IBTK: variants seen among roughly 807,000 people sequenced by gnomAD.
IBTK encodes the protein inhibitor of Bruton tyrosine kinase.
In IBTK, 83 loss-of-function variants were observed where a neutral mutation model predicts 154.9. The ratio of observed to expected loss-of-function variants is 0.54; its 90% CI spans 0.45 to 0.64. The LOEUF is 0.64. Ranked by LOEUF, IBTK falls within the 30% of genes least tolerant of loss-of-function variation. The pLI is 0.00. For synonymous variants in IBTK, 515 were observed against 536.1 expected (o/e 0.96, Z 0.54); for missense variants, 1,332 against 1,584.6 (o/e 0.84, Z 2.71).
chr6:82,179,447 T>C (rs1768231981), intron 26 of IBTK, among the ~76,000 whole-genome samples: 2 of 152,300 alleles, frequency 1.3e-5, no homozygotes, highest in South Asian at 4.1e-4. Flanking sequence ...AAAGTTCAGA[T>C]GATAGATATG....
At chr6:82,245,769 TA>T (rs542509673) in intron 1 of IBTK, among the ~76,000 whole-genome samples, 9 of 147,714 alleles carry the variant, frequency 6.1e-5, no homozygotes, top group East Asian at 3.9e-4. Context: ...CTTAGAGATT[TA>T]AAAAAAAAAG....
chr6:82,211,960 T>C (rs1040608083), intron 13 of IBTK, among the ~76,000 whole-genome samples: 4 of 152,194 alleles, frequency 2.6e-5, no homozygotes, highest in Non-Finnish European at 5.9e-5. Flanking sequence ...TCCAAAACCT[T>C]TTCACTTACA....
At chr6:82,179,794 A>C (rs935701998) in intron 26 of IBTK, among the ~76,000 whole-genome samples, 1 of 152,214 alleles carries the variant, frequency 6.6e-6, no homozygotes, top group Non-Finnish European at 1.5e-5. Flanking sequence ...AAGTGTGCCC[A>C]GACCACATGA....
chr6:82,212,360 T>A (rs1386889583), intron 13 of IBTK, among the ~76,000 whole-genome samples: 2 of 152,108 alleles, frequency 1.3e-5, no homozygotes, highest in Non-Finnish European at 2.9e-5. Context: ...CTAAAGGCAA[T>A]AATCATAACA....
At chr6:82,171,773 C>T (rs1200961740) in intron 28 of IBTK, among the ~76,000 whole-genome samples, 2 of 152,080 alleles carry the variant, frequency 1.3e-5, no homozygotes, top group African/African-American at 2.4e-5. Context: ...GATACCCATG[C>T]GCTCTTCAAT....
intron 26 of IBTK, among the ~76,000 whole-genome samples, chr6:82,180,946 C>T (rs996663590): frequency 6.6e-6 from 1 of 152,226 alleles, no homozygotes; most frequent in Non-Finnish European, 1.5e-5. Context: ...GAGACCAGGT[C>T]TCACTCTGTC....
intron 25 of IBTK, among the ~76,000 whole-genome samples, chr6:82,189,543 T>C (rs1768684562): frequency 6.6e-6 from 1 of 151,890 alleles, no homozygotes; most frequent in Non-Finnish European, 1.5e-5. Context: ...TATCAAGAAA[T>C]AGAAAACCAC....
At position 82,200,663 on chromosome 6, in the gene IBTK, G is replaced by C. The variant is rs1769169025; in HGVS notation, c.2836C>G (p.Pro946Ala). 6.3e-7 allele frequency: 1 copy of C among 1,597,896 alleles called. No homozygotes were observed. The highest frequency in any genetic ancestry group is 8.5e-7 in the Non-Finnish European group (1 of 1,174,190). Residue 946 changes from proline to alanine, a missense_variant, in exon 20 of 29, where the codon CCA (proline) becomes GCA (alanine). This residue lies in a region of IBTK where 1,134 missense variants were observed against 1,274.7 expected (regional missense o/e 0.89). Coordinates refer to ENST00000306270, the MANE Select transcript of IBTK (RefSeq NM_015525.4). ...TCTACTTCCAAATAGCTAATATCTG[G>C]TCCATCTTGATATGGTGTAATGACT... ...RRVITPYQDG[P>A]DISYLEVEDG...
At chr6:82,195,394 G>A (rs117675597) in intron 22 of IBTK, among the ~76,000 whole-genome samples, 16 of 152,008 alleles carry the variant, frequency 1.1e-4, no homozygotes, top group East Asian at 7.7e-4. Context: ...TGAGCAACAC[G>A]GCAAAACCCC....
intron 2 of IBTK, among the ~76,000 whole-genome samples, chr6:82,239,846 C>A (rs1770874503): frequency 6.6e-6 from 1 of 152,116 alleles, no homozygotes; most frequent in African/African-American, 2.4e-5. Flanking sequence ...TAAAGTATTT[C>A]TTTTAATAAT....
At chr6:82,192,031 T>C (rs2127803273) in intron 23 of IBTK, 152 bp from the exon 24 acceptor site, 1 of 553,630 alleles carries the variant, frequency 1.8e-6, no homozygotes, top group East Asian at 2.9e-5. Flanking sequence ...AAGGATATTT[T>C]GAATAAAAGC....
intron 26 of IBTK, among the ~76,000 whole-genome samples, chr6:82,181,002 C>T (rs1768300129): frequency 6.6e-6 from 1 of 152,208 alleles, no homozygotes; most frequent in Admixed American, 6.5e-5. Context: ...ACTGAAAATA[C>T]TGCTTTTAAA....
At chr6:82,237,901 CT>C (rs1770792196) in intron 2 of IBTK, among the ~76,000 whole-genome samples, 1 of 151,686 alleles carries the variant, frequency 6.6e-6, no homozygotes, top group East Asian at 1.9e-4. Context: ...CTGTTTTTTT[CT>C]TTTCCAGGTC....
chr6:82,179,831 G>A (rs900795293), intron 26 of IBTK, among the ~76,000 whole-genome samples: 2 of 152,130 alleles, frequency 1.3e-5, no homozygotes, highest in African/African-American at 4.8e-5. Flanking sequence ...CAAAACCAGA[G>A]GGGAAGAATC....
chr6:82,182,014 T>C lies in IBTK; in HGVS notation c.3590A>G (p.His1197Arg), dbSNP rs771015990. The C allele has an allele frequency of 1.3e-6, 2 of 1,598,576 alleles. No individual in the cohort carries two copies. The highest frequency in any genetic ancestry group is 1.7e-6 in the Non-Finnish European group (2 of 1,177,070). ...CCGGAATGACTTGGATGAAACTGAA[T>C]GCAGAGAAGATGCCCTGCAAAAGAA... The part of the protein sequence containing the change: ...KPVNAWASSL[H>R]SVSSKSFRDF... Residue 1197 changes from histidine (H) to arginine (R), a missense_variant, in exon 26 of 29, where the codon CAT (histidine) becomes CGT (arginine). This residue lies in a region of IBTK where 1,134 missense variants were observed against 1,274.7 expected (regional missense o/e 0.89). Transcript: ENST00000306270.
In IBTK at chr6:82,231,817, G is replaced by A. The variant is rs757523617; in HGVS notation, c.444C>T (p.Gly148=). 3.8e-6 allele frequency: 6 copies of A among 1,590,022 alleles called. No homozygotes were observed. Among genetic ancestry groups the A allele is most frequent in the African/African-American group, 2.7e-5 (2 of 74,180 alleles). Residue 148 remains glycine (G), a synonymous_variant, in exon 4 of 29, where the codon GGC becomes GGT. Transcript: ENST00000306270. ...GACCCAGGGTAAAATTTGTATTATC[G>A]CCCCAAGTATAAACATCTGTAGGAT... ...NTDPTDVYTW[G]DNTNFTLGHG...
chr6:82,179,847 AAAAGGAAAATGTTGAATCTTACACAAG>A (rs1562070139), intron 26 of IBTK, among the ~76,000 whole-genome samples: 1 of 152,208 alleles, frequency 6.6e-6, no homozygotes, highest in African/African-American at 2.4e-5. Context: ...GAATCTAGTT[AAAAGGAAAATGTTGAATCTTACACAAG>A]AAAGGAAAGG....
intron 26 of IBTK, 125 bp from the exon 27 acceptor site, chr6:82,173,563 C>A (rs1022401005): frequency 1.4e-5 from 8 of 589,892 alleles, no homozygotes; most frequent in African/African-American, 1.3e-4. Context: ...TGAGTGCAGT[C>A]AAGCTTACCT....
chr6:82,187,340 T>C (rs764443798), intron 25 of IBTK, among the ~76,000 whole-genome samples: 1 of 152,214 alleles, frequency 6.6e-6, no homozygotes, highest in Non-Finnish European at 1.5e-5. Context: ...AAAATTTGGA[T>C]AGATAGTCCC....
Sources: allele counts gnomAD v4.1 joint callset (sites outside exome capture counted in the v4.1 genomes callset), GRCh38; gene constraint gnomAD v4.1.1; regional missense constraint gnomAD v4.1.1; transcripts MANE v1.5; gene names NCBI Gene and HGNC (gene_info 2026-07-23, HGNC 2026-07-21).